PPP1R14C: variants seen among roughly 807,000 people sequenced by gnomAD.
PPP1R14C encodes protein phosphatase 1 regulatory inhibitor subunit 14C, also known as protein phosphatase 1 regulatory subunit 14C.
PPP1R14C carries 16 observed loss-of-function variants against 20.4 expected under a neutral mutation model. That is an observed-to-expected ratio of 0.78 (90% CI 0.53 to 1.19). The LOEUF is 1.19. Among genes scored for constraint, PPP1R14C ranks in the 50% most tolerant of loss-of-function variants. The pLI is 0.00. For synonymous variants in PPP1R14C, 91 were observed against 91.0 expected, an observed-to-expected ratio of 1.00 and a Z score of 0.00; for missense variants, 211 against 220.1, an observed-to-expected ratio of 0.96 and a Z score of 0.26.
chr6:150,218,445 T>C (rs1367885847), intron 3 of PPP1R14C, among the ~76,000 whole-genome samples: 1 of 149,628 alleles, frequency 6.7e-6, no homozygotes, highest in Non-Finnish European at 1.5e-5. Context: ...ATGTATATAT[T>C]TAAATTAATG....
At chr6:150,186,538 A>T (rs1026516631) in intron 1 of PPP1R14C, among the ~76,000 whole-genome samples, 1 of 152,160 alleles carries the variant, frequency 6.6e-6, no homozygotes, top group Non-Finnish European at 1.5e-5. Flanking sequence ...GACAATCTGA[A>T]GCTGGAAAAG....
At chr6:150,194,776 G>C in intron 1 of PPP1R14C, 1 of 985,316 alleles carries the variant, frequency 1.0e-6, no homozygotes, top group Non-Finnish European at 1.2e-6. Flanking sequence ...TGTTTTGTTT[G>C]ACCACTGCTT....
At chr6:150,168,112 C>A in intron 1 of PPP1R14C, among the ~76,000 whole-genome samples, 1 of 125,334 alleles carries the variant, frequency 8.0e-6, no homozygotes, top group Admixed American at 8.2e-5. Flanking sequence ...CTTTTACTTC[C>A]CTCCCCCACT....
Position 150,143,327 on chromosome 6 carries a change from G to A in PPP1R14C, c.135G>A (p.Glu45=), listed in dbSNP as rs1777144395. ...GCAGCGGCTCAGGCTCCTCCCGGGA[G>A]GACTCGGCGCCCGTGGCCACGGCGG... The part of the protein sequence containing the change: ...GSSSGSGSSR[E]DSAPVATAAA... The change falls in exon 1 of 4, where the codon GAG becomes GAA. Residue 45 remains glutamate, a synonymous_variant. Coordinates refer to ENST00000361131, the MANE Select transcript of PPP1R14C (RefSeq NM_030949.3). The surrounding 1 kb of genome is among the most constrained non-coding windows in gnomAD (Gnocchi z 5.6). 2 of 1,601,868 alleles carry A rather than the reference G, an allele frequency of 1.2e-6. No homozygotes were observed. Among genetic ancestry groups the A allele is most frequent in the Non-Finnish European group, 1.7e-6 (2 of 1,175,890 alleles).
intron 1 of PPP1R14C, among the ~76,000 whole-genome samples, chr6:150,146,508 G>A (rs1362043252): frequency 6.6e-6 from 1 of 152,176 alleles, no homozygotes; most frequent in Non-Finnish European, 1.5e-5. Flanking sequence ...ACTTCCCAGA[G>A]TCATGAACTG....
At chr6:150,188,210 C>T (rs1274406970) in intron 1 of PPP1R14C, among the ~76,000 whole-genome samples, 2 of 152,134 alleles carry the variant, frequency 1.3e-5, no homozygotes, top group African/African-American at 4.8e-5. Context: ...TAATTTAGAA[C>T]AGATTAGTCT....
At chr6:150,204,846 G>A (rs764984520) in intron 1 of PPP1R14C, among the ~76,000 whole-genome samples, 17 of 152,088 alleles carry the variant, frequency 1.1e-4, no homozygotes, top group African/African-American at 2.4e-4. Flanking sequence ...GGGCATACAC[G>A]GGAAGTCGGA....
At chr6:150,165,626 T>A (rs1447086128) in intron 1 of PPP1R14C, among the ~76,000 whole-genome samples, 1 of 152,234 alleles carries the variant, frequency 6.6e-6, no homozygotes, top group Non-Finnish European at 1.5e-5. Flanking sequence ...ACATTTGTTG[T>A]TTCTTTCTTT....
chr6:150,203,459 G>A (rs1777903380), intron 1 of PPP1R14C, among the ~76,000 whole-genome samples: 2 of 152,170 alleles, frequency 1.3e-5, no homozygotes, highest in African/African-American at 4.8e-5. Context: ...GCCTTGCGAT[G>A]GGATTCACAA....
chr6:150,157,139 TG>T (rs1562257175), intron 1 of PPP1R14C, among the ~76,000 whole-genome samples: 2 of 152,242 alleles, frequency 1.3e-5, no homozygotes, highest in African/African-American at 4.8e-5. Flanking sequence ...AGTTAACTAC[TG>T]ACACCTTACT....
At chr6:150,204,404 T>A (rs2281436) in intron 1 of PPP1R14C, among the ~76,000 whole-genome samples, 1 of 152,060 alleles carries the variant, frequency 6.6e-6, no homozygotes, top group South Asian at 2.1e-4. Context: ...TCTCTTTGAA[T>A]GCTGTGGTTT....
rs565249520 is a variant in PPP1R14C, at chr6:150,201,300, G to A, written c.307-13444G>A. On this transcript the variant is annotated intron_variant, in intron 1 of 3. Coordinates refer to ENST00000361131, the MANE Select transcript of PPP1R14C (RefSeq NM_030949.3). The surrounding 1 kb of genome is among the most constrained non-coding windows in gnomAD (Gnocchi z 4.2). ...ATTGGAAGAGTGTGGAAAGTGCAGC[G>A]AAAGAGAGGTGCAGGGCATTCTAAG... 1.3e-4 allele frequency among the ~76,000 whole-genome samples: 20 copies of A among 152,208 alleles called. 1 individual carries two copies. The highest frequency in any genetic ancestry group is 2.7e-4 in the African/African-American group (11 of 41,448).
At chr6:150,174,438 G>A (rs561967765) in intron 1 of PPP1R14C, among the ~76,000 whole-genome samples, 22 of 151,744 alleles carry the variant, frequency 1.4e-4, no homozygotes, top group Middle Eastern at 3.4e-3. Context: ...GGATGGTCTC[G>A]ATCTCCTGAC....
At chr6:150,188,609 C>T (rs1345615541) in intron 1 of PPP1R14C, among the ~76,000 whole-genome samples, 1 of 149,496 alleles carries the variant, frequency 6.7e-6, no homozygotes, top group Admixed American at 6.7e-5. Context: ...GCCTCAGCCT[C>T]CTGAGTAGCT....
At chr6:150,168,157 T>C in intron 1 of PPP1R14C, among the ~76,000 whole-genome samples, 1 of 110,484 alleles carries the variant, frequency 9.1e-6, no homozygotes, top group African/African-American at 3.6e-5. Context: ...TCCCTTTTTT[T>C]TTTTTTTTTT....
At chr6:150,193,515 C>T (rs886336824) in intron 1 of PPP1R14C, among the ~76,000 whole-genome samples, 3 of 151,660 alleles carry the variant, frequency 2.0e-5, no homozygotes, top group Admixed American at 6.6e-5. Context: ...AAGAGAGCTA[C>T]GACGGGAAAG....
intron 1 of PPP1R14C, among the ~76,000 whole-genome samples, chr6:150,166,708 C>T (rs1482100336): frequency 6.6e-6 from 1 of 152,192 alleles, no homozygotes; most frequent in Non-Finnish European, 1.5e-5. Context: ...AGCAGGCCTG[C>T]CTCAGGAGGA....
rs997190533 is a variant in PPP1R14C at position 150,194,981 on chromosome 6, A to G, written c.307-19763A>G. 3 of 985,226 alleles carry G rather than the reference A, an allele frequency of 3.0e-6. No individual in the cohort carries two copies. In the South Asian group the frequency reaches 1.4e-4, roughly 46 times the overall value. 61.0% of individuals were successfully genotyped at this position (985,226 alleles called of 1,614,324 possible). Reference sequence around the variant, plus strand: ...GATAAAGGCAAAAGTTATAAAAAGAATATGTGTCTGCTTTTGCTTTGTACT... The same window carrying G: ...GATAAAGGCAAAAGTTATAAAAAGAGTATGTGTCTGCTTTTGCTTTGTACT... On this transcript the variant is annotated intron_variant, in intron 1 of 3. Coordinates refer to ENST00000361131, the MANE Select transcript of PPP1R14C (RefSeq NM_030949.3).
At chr6:150,194,405 G>C (rs1444254347) in intron 1 of PPP1R14C, 3 of 975,450 alleles carry the variant, frequency 3.1e-6, no homozygotes, top group Non-Finnish European at 3.7e-6. Flanking sequence ...TGTTTGTTTT[G>C]TCTCTTGAGA....
Sources: gnomAD v4.1 joint callset for allele counts (sites outside exome capture counted in the v4.1 genomes callset) on GRCh38, gnomAD v4.1.1 for gene constraint, Gnocchi (gnomAD v3.1) non-coding constraint, MANE v1.5 for transcripts, NCBI Gene and HGNC (gene_info 2026-07-23, HGNC 2026-07-21) for gene names.